Variants in SCHIP1 observed in about 807,000 individuals in gnomAD.
The protein encoded by SCHIP1 is schwannomin interacting protein 1.
Under a neutral mutation model 29.7 loss-of-function variants are expected in SCHIP1, and 8 were observed. The ratio of observed to expected loss-of-function variants is 0.27; its 90% confidence interval spans 0.16 to 0.49. The LOEUF (loss-of-function observed/expected upper bound fraction) is 0.49, where lower values mean the gene tolerates loss of function less well. Among genes scored for constraint, SCHIP1 ranks in the 20% least tolerant of loss-of-function variants. The pLI is 0.99. For synonymous variants in SCHIP1, 76 were observed against 94.9 expected (o/e 0.80, Z 1.16); for missense variants, 193 against 294.6 (o/e 0.66, Z 2.52).
At chr3:159,315,277 C>A in the SCHIP1 span, among the ~76,000 whole-genome samples, 17 of 148,830 alleles carry the variant, frequency 1.1e-4, no homozygotes. Flanking sequence ...GGGCTCACTG[C>A]AAGCTCCGCC....
At chr3:159,814,660 C>T in the SCHIP1 span, among the ~76,000 whole-genome samples, 1 of 152,210 alleles carries the variant, frequency 6.6e-6, no homozygotes, top group Admixed American at 6.5e-5. Flanking sequence ...CCCCGATGTT[C>T]TGTTTGTAAA....
At chr3:159,509,535 G>T in the SCHIP1 span, among the ~76,000 whole-genome samples, 8 of 152,240 alleles carry the variant, frequency 5.3e-5, no homozygotes, top group Admixed American at 4.6e-4. Context: ...TATTTTGCTC[G>T]TTAGTTGATG....
At chr3:159,532,781 G>A in the SCHIP1 span, among the ~76,000 whole-genome samples, 8 of 152,130 alleles carry the variant, frequency 5.3e-5, no homozygotes, top group Non-Finnish European at 1.0e-4. Flanking sequence ...AGACTTTGTT[G>A]ATGACATCAC....
chr3:159,543,628 T>C, the SCHIP1 span, among the ~76,000 whole-genome samples: 1 of 151,836 alleles, frequency 6.6e-6, no homozygotes, highest in Non-Finnish European at 1.5e-5. Flanking sequence ...TGTTGGACAT[T>C]TGGGTTGGTT....
At chr3:159,577,568 T>G in the SCHIP1 span, among the ~76,000 whole-genome samples, 2 of 152,106 alleles carry the variant, frequency 1.3e-5, no homozygotes, top group African/African-American at 4.8e-5. Flanking sequence ...AGGGTGGGAG[T>G]GATGCAACTG....
At chr3:159,772,530 T>A in the SCHIP1 span, among the ~76,000 whole-genome samples, 2 of 152,230 alleles carry the variant, frequency 1.3e-5, no homozygotes, top group Non-Finnish European at 2.9e-5. Context: ...CCCTCCCCCT[T>A]AAACACATAT....
chr3:159,443,414 C>T, the SCHIP1 span, among the ~76,000 whole-genome samples: 1 of 152,124 alleles, frequency 6.6e-6, no homozygotes, highest in African/African-American at 2.4e-5. Flanking sequence ...GAGCCAATCA[C>T]TTTTCTCAAC....
chr3:159,308,234 G>A, the SCHIP1 span, among the ~76,000 whole-genome samples: 1 of 151,750 alleles, frequency 6.6e-6, no homozygotes, highest in Non-Finnish European at 1.5e-5. Flanking sequence ...ATTTATTTGT[G>A]TCATCTACAG....
chr3:159,380,741 A>G, the SCHIP1 span, among the ~76,000 whole-genome samples: 3 of 152,192 alleles, frequency 2.0e-5, no homozygotes, highest in African/African-American at 4.8e-5. Flanking sequence ...AGATGAAGAA[A>G]AAGAATGAGG....
At chr3:159,751,712 T>G in the SCHIP1 span, among the ~76,000 whole-genome samples, 1 of 151,890 alleles carries the variant, frequency 6.6e-6, no homozygotes, top group Non-Finnish European at 1.5e-5. Context: ...GCCCAGCTAA[T>G]TTTTTTGTAT....
chr3:159,882,393 G>C (rs1024714622), intron 2 of SCHIP1, among the ~76,000 whole-genome samples: 5 of 152,152 alleles, frequency 3.3e-5, no homozygotes, highest in African/African-American at 1.2e-4. Context: ...AGATACTAGT[G>C]GTCTAAGCAG....
chr3:159,823,561 G>T, the SCHIP1 span, among the ~76,000 whole-genome samples: 1 of 152,136 alleles, frequency 6.6e-6, no homozygotes, highest in Non-Finnish European at 1.5e-5. Flanking sequence ...CTTGGTAGAG[G>T]TCAGTTTCCT....
the SCHIP1 span, among the ~76,000 whole-genome samples, chr3:159,287,947 C>G: frequency 6.6e-6 from 1 of 152,098 alleles, no homozygotes; most frequent in African/African-American, 2.4e-5. Context: ...ATATCAATTT[C>G]TTGGTATTTT....
the SCHIP1 span, chr3:159,764,550 G>A: frequency 8.8e-6 from 14 of 1,599,128 alleles, no homozygotes; most frequent in South Asian, 2.3e-5. This position sits in a 1 kb window ranked among gnomAD's most constrained non-coding sequence, Gnocchi z 6.1. Context: ...CTTGCTCCGA[G>A]TGCAAATCTT....
intron 1 of SCHIP1, among the ~76,000 whole-genome samples, chr3:159,856,301 C>T (rs947807323): frequency 2.0e-5 from 3 of 152,132 alleles, no homozygotes; most frequent in Non-Finnish European, 2.9e-5. Flanking sequence ...AGCTGACCGT[C>T]CCAATGGGGG....
At chr3:159,540,040 G>T in the SCHIP1 span, among the ~76,000 whole-genome samples, 5 of 151,820 alleles carry the variant, frequency 3.3e-5, no homozygotes, top group Non-Finnish European at 7.4e-5. Flanking sequence ...AATCTTTCTT[G>T]TCCCTGCTTT....
chr3:159,286,614 A>C, the SCHIP1 span, among the ~76,000 whole-genome samples: 1 of 152,134 alleles, frequency 6.6e-6, no homozygotes, highest in East Asian at 1.9e-4. Context: ...GGGTAGAATG[A>C]TAATTCTGCT....
chr3:159,277,574 A>G, the SCHIP1 span, among the ~76,000 whole-genome samples: 1 of 147,914 alleles, frequency 6.8e-6, no homozygotes, highest in Non-Finnish European at 1.5e-5. Flanking sequence ...ATATGTGACT[A>G]GTAAGGGACC....
the SCHIP1 span, among the ~76,000 whole-genome samples, chr3:159,550,273 T>C: frequency 1.4e-3 from 208 of 152,226 alleles, 2 homozygotes; most frequent in African/African-American, 4.9e-3. Flanking sequence ...TCAAATCCTT[T>C]GTATTAAATT....
Sources: gnomAD v4.1 joint callset for allele counts (sites outside exome capture counted in the v4.1 genomes callset) on GRCh38, gnomAD v4.1.1 for gene constraint, Gnocchi (gnomAD v3.1) non-coding constraint, MANE v1.5 for transcripts, NCBI Gene and HGNC (gene_info 2026-07-23, HGNC 2026-07-21) for gene names.